CSRNP3: variants seen among roughly 807,000 people sequenced by gnomAD.
CSRNP3 encodes the protein cysteine/serine-rich nuclear protein 3.
In CSRNP3, 12 loss-of-function variants were observed where a neutral mutation model predicts 48.0. That is an observed-to-expected ratio of 0.25 (90% CI 0.16 to 0.41). The LOEUF (loss-of-function observed/expected upper bound fraction) is 0.41. Among genes scored for constraint, CSRNP3 ranks in the 10% least tolerant of loss-of-function variants. The pLI, the probability that CSRNP3 is intolerant of heterozygous loss-of-function variation, is 1.00. For synonymous variants in CSRNP3, 263 were observed against 269.7 expected, an observed-to-expected ratio of 0.98 and a Z score of 0.24; for missense variants, 580 against 724.4, an observed-to-expected ratio of 0.80 and a Z score of 2.29.
chr2:165,666,141 GGAAAGAGAGAGGAA>G lies in CSRNP3; in HGVS notation c.408+8133_408+8146del, dbSNP rs1355397479. ...AGAGAGAAAGGAAGGAAGGAAGGAA[GGAAAGAGAGAGGAA>G]GAAAGAGAGAGAGAGAAAGGAAGGA... On this transcript the variant is annotated intron_variant, in intron 5 of 6. Coordinates refer to ENST00000651982, the MANE Select transcript of CSRNP3 (RefSeq NM_001172173.2). Among the ~76,000 whole-genome samples the G allele has an allele frequency of 6.3e-3, 630 of 100,492 alleles. 14 individuals carry two copies. Among genetic ancestry groups the G allele is most frequent in the African/African-American group, 0.022 (596 of 27,222 alleles). 65.9% of individuals were successfully genotyped at this position (100,492 alleles called of 152,430 possible).
At chr2:165,527,165 T>C (rs77939846) in intron 3 of CSRNP3, among the ~76,000 whole-genome samples, 8,023 of 150,850 alleles carry the variant, frequency 0.053, 338 homozygotes, top group Non-Finnish European at 0.083. Flanking sequence ...AATAAGTTTA[T>C]GAAAACCACA....
chr2:165,540,580 C>A (rs1231841996), intron 3 of CSRNP3, among the ~76,000 whole-genome samples: 1 of 152,082 alleles, frequency 6.6e-6, no homozygotes, highest in African/African-American at 2.4e-5. Context: ...ATTCTCTGCA[C>A]ACTAAGCCCT....
chr2:165,688,892 G>T lies in CSRNP3; in HGVS notation c.*9139G>T, dbSNP rs988547462. 9 of 151,236 alleles carry T rather than the reference G, an allele frequency of 6.0e-5. No homozygotes were observed. The highest frequency in any genetic ancestry group is 1.5e-4 in the African/African-American group (6 of 41,160). The allele number at this position is 151,236 out of a possible 1,614,324, so 9.4% of individuals were successfully genotyped here. A position where few individuals can be genotyped will look rare whatever the true frequency, so the allele number is the denominator to read the frequency against. ...TTTTATCTTTCAACTGATTTTTATT[G>T]TTACTTTTACTCAATATCAACAGTA... On this transcript the variant is annotated 3_prime_UTR_variant, in exon 7 of 7. Coordinates refer to ENST00000651982, the MANE Select transcript of CSRNP3 (RefSeq NM_001172173.2).
chr2:165,620,959 A>G (rs1289674159), intron 4 of CSRNP3, among the ~76,000 whole-genome samples: 1 of 152,070 alleles, frequency 6.6e-6, no homozygotes, highest in African/African-American at 2.4e-5. Flanking sequence ...ATATAAAACT[A>G]ATTATTTAAC....
intron 5 of CSRNP3, 72 bp from the exon 6 acceptor site, chr2:165,676,240 C>T: frequency 7.2e-6 from 8 of 1,113,606 alleles, no homozygotes; most frequent in South Asian, 1.4e-5. Flanking sequence ...AGTTCATTCT[C>T]ACCCAGTACA....
chr2:165,482,138 A>C (rs911757264), intron 1 of CSRNP3, among the ~76,000 whole-genome samples: 3 of 152,180 alleles, frequency 2.0e-5, no homozygotes, highest in Non-Finnish European at 1.5e-5. Flanking sequence ...TTGACAGGTA[A>C]GAAAACTGAG....
intron 3 of CSRNP3, among the ~76,000 whole-genome samples, chr2:165,520,799 A>AT (rs1558923567): frequency 2.4e-5 from 1 of 41,384 alleles, no homozygotes; most frequent in East Asian, 7.2e-4. Context: ...ATATATATAT[A>AT]TATATATATA....
At chr2:165,595,386 T>C (rs1653568919) in intron 4 of CSRNP3, among the ~76,000 whole-genome samples, 173 bp downstream of exon 4, 1 of 152,226 alleles carries the variant, frequency 6.6e-6, no homozygotes, top group Non-Finnish European at 1.5e-5. Flanking sequence ...GATTCCTTTA[T>C]TTAGAATACT....
Position 165,683,373 on chromosome 2 carries a change from A to T in CSRNP3, c.*3620A>T, listed in dbSNP as rs1687577894. 6.6e-6 allele frequency: 1 copy of T among 152,080 alleles called. No homozygotes were observed. 9.4% of individuals were successfully genotyped at this position (152,080 alleles called of 1,614,324 possible). On this transcript the variant is annotated 3_prime_UTR_variant, in exon 7 of 7. Coordinates refer to ENST00000651982, the MANE Select transcript of CSRNP3 (RefSeq NM_001172173.2). ...CTCCCTGAATTCCTTCCCTCCAAAA[A>T]AAAACTATGAGTTGCAAAAACACTA... is the stretch of plus-strand genomic sequence containing the variant.
chr2:165,641,579 A>G (rs984281463), intron 4 of CSRNP3, among the ~76,000 whole-genome samples: 3 of 151,904 alleles, frequency 2.0e-5, no homozygotes, highest in Non-Finnish European at 4.4e-5. Context: ...CTTTTTTCCA[A>G]CTCTAAAGAC....
At chr2:165,516,406 T>G (rs1310942466) in intron 2 of CSRNP3, among the ~76,000 whole-genome samples, 1 of 152,180 alleles carries the variant, frequency 6.6e-6, no homozygotes, top group Non-Finnish European at 1.5e-5. Context: ...GCAAGGTGAC[T>G]ATAGTTAATG....
At chr2:165,617,520 G>C (rs937278065) in intron 4 of CSRNP3, among the ~76,000 whole-genome samples, 1 of 152,192 alleles carries the variant, frequency 6.6e-6, no homozygotes, top group African/African-American at 2.4e-5. Flanking sequence ...TGCCAGGCAG[G>C]ACAATCCTCA....
intron 1 of CSRNP3, among the ~76,000 whole-genome samples, chr2:165,475,236 C>T (rs181125012): frequency 8.5e-5 from 13 of 152,240 alleles, no homozygotes; most frequent in Middle Eastern, 3.4e-3. Flanking sequence ...ATTCCCTTCT[C>T]GTTGCTCATG....
At chr2:165,627,575 T>C (rs6731050) in intron 4 of CSRNP3, among the ~76,000 whole-genome samples, 112,728 of 152,004 alleles carry the variant, frequency 0.74, 42,424 homozygotes, top group Non-Finnish European at 0.81. Flanking sequence ...ATTGCATCCA[T>C]TCTTCTCCCC....
chr2:165,517,072 AT>A (rs1333382463), intron 2 of CSRNP3, among the ~76,000 whole-genome samples: 1 of 151,982 alleles, frequency 6.6e-6, no homozygotes, highest in African/African-American at 2.4e-5. Context: ...TCTCTATCTC[AT>A]TTTTAAAGAA....
chr2:165,591,189 A>C lies in CSRNP3; in HGVS notation c.-23-3854A>C, dbSNP rs111992402. Among the ~76,000 whole-genome samples, 349 of 152,324 alleles carry C rather than the reference A, an allele frequency of 2.3e-3. 1 individual carries two copies. Among genetic ancestry groups the C allele is most frequent in the African/African-American group, 8.0e-3 (333 of 41,568 alleles). On this transcript the variant is annotated intron_variant, in intron 3 of 6. Coordinates refer to ENST00000651982, the MANE Select transcript of CSRNP3 (RefSeq NM_001172173.2). ...GATGGAGATGGGAACTTGTTGGGAAATGGAGTAAAGGTCACTCTTGCTATG... is the reference window on the plus strand; with the variant it reads ...GATGGAGATGGGAACTTGTTGGGAACTGGAGTAAAGGTCACTCTTGCTATG...
At chr2:165,641,523 A>G (rs1019715199) in intron 4 of CSRNP3, among the ~76,000 whole-genome samples, 1 of 152,306 alleles carries the variant, frequency 6.6e-6, no homozygotes, top group African/African-American at 2.4e-5. Context: ...TCTGGGAACC[A>G]CAGCAGGCAA....
Position 165,514,612 on chromosome 2 carries a change from T to G in CSRNP3, c.-112-3261T>G, listed in dbSNP as rs111599715. Among the ~76,000 whole-genome samples the G allele has an allele frequency of 5.3e-3, 814 of 152,364 alleles. 6 individuals carry two copies. The highest frequency in any genetic ancestry group is 0.018 in the African/African-American group (761 of 41,580). ...CAGGTGCTAAACTGGAATGGTCACC[T>G]GCATCAACTACTGTGCATTGTGCAC... On this transcript the variant is annotated intron_variant, in intron 2 of 6. Coordinates refer to ENST00000651982, the MANE Select transcript of CSRNP3 (RefSeq NM_001172173.2).
chr2:165,594,943 C>A, intron 3 of CSRNP3, 100 bp from the exon 4 acceptor site: 1 of 956,602 alleles, frequency 1.0e-6, no homozygotes, highest in Non-Finnish European at 1.6e-6. Context: ...TATAGCTCAG[C>A]TCATGTATAA....
Sources: gnomAD v4.1 joint callset for allele counts (sites outside exome capture counted in the v4.1 genomes callset) on GRCh38, gnomAD v4.1.1 for gene constraint, MANE v1.5 for transcripts, NCBI Gene and HGNC (gene_info 2026-07-23, HGNC 2026-07-21) for gene names.